RBM17: variants seen among roughly 807,000 people sequenced by gnomAD.
RBM17 encodes the protein RNA binding motif protein 17, also known as splicing factor 45.
RBM17 carries 7 observed loss-of-function variants against 53.2 expected under a neutral mutation model. The observed-to-expected ratio is 0.13, with a 90% CI of 0.07 to 0.25. The LOEUF is 0.25. RBM17 is among the 10% of genes least tolerant of loss of function. The pLI is 1.00. For synonymous variants in RBM17, 167 were observed against 178.1 expected (o/e 0.94, Z 0.50); for missense variants, 257 against 496.7 (o/e 0.52, Z 4.59).
intron 1 of RBM17, among the ~76,000 whole-genome samples, chr10:6,093,968 A>ATTTTTTT (rs71390121): frequency 7.5e-5 from 7 of 93,264 alleles, no homozygotes; most frequent in Admixed American, 1.1e-4. Flanking sequence ...CAAGTGTGGA[A>ATTTTTTT]TTTTTTTTTT....
At chr10:6,094,924 C>G (rs753796079) in intron 1 of RBM17, among the ~76,000 whole-genome samples, 6 of 152,156 alleles carry the variant, frequency 3.9e-5, no homozygotes, top group Non-Finnish European at 7.3e-5. Context: ...TGATCTTAGT[C>G]TGGGGATAGA....
chr10:6,092,549 G>A (rs1295259335), intron 1 of RBM17, among the ~76,000 whole-genome samples: 1 of 152,248 alleles, frequency 6.6e-6, no homozygotes, highest in African/African-American at 2.4e-5. Flanking sequence ...GTATGGTTGA[G>A]TGTGGTTTCT....
chr10:6,114,267 C>T (rs1840881736), intron 10 of RBM17, 120 bp downstream of exon 10: 3 of 588,820 alleles, frequency 5.1e-6, no homozygotes, highest in Non-Finnish European at 9.2e-6. Flanking sequence ...AGGTGACAGG[C>T]GTTGGTTATT....
chr10:6,096,980 C>A, intron 1 of RBM17, 68 bp from the exon 2 acceptor site: 1 of 1,460,928 alleles, frequency 6.8e-7, no homozygotes, highest in Non-Finnish European at 9.3e-7. Context: ...TTTCATGATA[C>A]TTATTTTAAC....
At chr10:6,093,245 G>A (rs184175943) in intron 1 of RBM17, among the ~76,000 whole-genome samples, 4 of 151,980 alleles carry the variant, frequency 2.6e-5, no homozygotes, top group Non-Finnish European at 4.4e-5. Context: ...AGACAGTCTC[G>A]CTCTATCATC....
chr10:6,090,993 GTATATAAA>G (rs1036576929), intron 1 of RBM17, among the ~76,000 whole-genome samples: 69 of 138,276 alleles, frequency 5.0e-4, no homozygotes, highest in African/African-American at 1.8e-3. Context: ...CCATATATAT[GTATATAAA>G]TATATAAATA....
chr10:6,100,115 A>G (rs761819790), intron 2 of RBM17, among the ~76,000 whole-genome samples: 1 of 152,134 alleles, frequency 6.6e-6, no homozygotes, highest in Non-Finnish European at 1.5e-5. Context: ...AAACTTTCGT[A>G]TTTACTTTGT....
Position 6,112,138 on chromosome 10 carries a change from GATGGAAAA to G in RBM17, c.705-68_705-61del, listed in dbSNP as rs1840847448. ...ACTCTCTCCAGAAGGAGGTTGTTGT[GATGGAAAA>G]ATGCAACCTATCTCCAGTTGACGAT... On this transcript the variant is annotated intron_variant, in intron 7 of 11. Coordinates refer to ENST00000379888, the MANE Select transcript of RBM17 (RefSeq NM_032905.5). The surrounding 1 kb of genome is among the most constrained non-coding windows in gnomAD (Gnocchi z 4.4). 6.6e-7 allele frequency: 1 copy of G among 1,519,702 alleles called. No individual in the cohort carries two copies. Among genetic ancestry groups the G allele is most frequent in the Non-Finnish European group, 8.9e-7 (1 of 1,119,408 alleles). 94.1% of individuals were successfully genotyped at this position (1,519,702 alleles called of 1,614,324 possible). A position where few individuals can be genotyped will look rare whatever the true frequency, so the allele number is the denominator to read the frequency against.
At chr10:6,095,996 A>G (rs60859211) in intron 1 of RBM17, among the ~76,000 whole-genome samples, 2,478 of 152,272 alleles carry the variant, frequency 0.016, 41 homozygotes, top group East Asian at 0.041. Context: ...CACGGTTTCC[A>G]TGGGAAAATG....
chr10:6,109,052 A>G (rs1840798407), intron 6 of RBM17, among the ~76,000 whole-genome samples: 1 of 150,838 alleles, frequency 6.6e-6, no homozygotes, highest in African/African-American at 2.4e-5. Flanking sequence ...AAAACAGCAG[A>G]TCGTTACAGT....
In RBM17 at chr10:6,106,177, A is replaced by C; in HGVS notation, c.444A>C (p.Ala148=). The change falls in exon 5 of 12, where the codon GCA becomes GCC. Residue 148 remains alanine (A), a synonymous_variant. Coordinates refer to ENST00000379888, the MANE Select transcript of RBM17 (RefSeq NM_032905.5). The part of the protein sequence containing the change: ...RKDRHEASGF[A]RRPDPDSDED... ...ACAGACATGAAGCAAGTGGGTTTGC[A>C]AGGAGACCAGATCCAGATTCTGATG... is the stretch of plus-strand genomic sequence containing the variant. 1 of 1,613,852 alleles carries C rather than the reference A, an allele frequency of 6.2e-7. No homozygotes were observed. The highest frequency in any genetic ancestry group is 8.5e-7 in the Non-Finnish European group (1 of 1,179,778).
intron 2 of RBM17, 55 bp from the exon 3 acceptor site, chr10:6,101,216 G>T: frequency 1.8e-6 from 2 of 1,119,730 alleles, no homozygotes; most frequent in Non-Finnish European, 2.6e-6. Flanking sequence ...GTTGCAAACA[G>T]TGTGAATTTT....
At position 6,112,103 on chromosome 10, in the gene RBM17, TG is replaced by T; in HGVS notation, c.705-105del. ...ATGAGTGACTTTGTTGAAGCCCCTGTGGAGCATGCACTCTCTCCAGAAGGAG... is the reference window on the plus strand; with the variant it reads ...ATGAGTGACTTTGTTGAAGCCCCTGTGAGCATGCACTCTCTCCAGAAGGAG... On this transcript the variant is annotated intron_variant, in intron 7 of 11. Coordinates refer to ENST00000379888, the MANE Select transcript of RBM17 (RefSeq NM_032905.5). This position sits in a 1 kb window ranked among gnomAD's most constrained non-coding sequence, Gnocchi z 4.4. 8.8e-7 allele frequency: 1 copy of T among 1,140,086 alleles called. No individual in the cohort carries two copies. The highest frequency in any genetic ancestry group is 1.3e-6 in the Non-Finnish European group (1 of 792,582). The allele number at this position is 1,140,086 out of a possible 1,614,324, so 70.6% of individuals were successfully genotyped here. A position where few individuals can be genotyped will look rare whatever the true frequency, so the allele number is the denominator to read the frequency against.
chr10:6,095,601 G>A (rs1412721531), intron 1 of RBM17, among the ~76,000 whole-genome samples: 6 of 152,208 alleles, frequency 3.9e-5, no homozygotes, highest in Middle Eastern at 6.8e-3. Flanking sequence ...ACGGCCTTGC[G>A]GGGACCTTTC....
chr10:6,090,767 A>G (rs1355028276), intron 1 of RBM17, among the ~76,000 whole-genome samples: 1 of 152,142 alleles, frequency 6.6e-6, no homozygotes, highest in East Asian at 1.9e-4. Flanking sequence ...CTGTGTTTGC[A>G]ATACTAGCCT....
At chr10:6,096,292 C>G (rs1840573041) in intron 1 of RBM17, among the ~76,000 whole-genome samples, 1 of 152,056 alleles carries the variant, frequency 6.6e-6, no homozygotes, top group African/African-American at 2.4e-5. Context: ...TTCCCTAAAC[C>G]CCAGCATCCA....
At chr10:6,107,380 G>A (rs1840767251) in intron 5 of RBM17, among the ~76,000 whole-genome samples, 1 of 150,550 alleles carries the variant, frequency 6.6e-6, no homozygotes, top group Non-Finnish European at 1.5e-5. Context: ...GTTTCACCAT[G>A]TTTGCCAGGC....
intron 2 of RBM17, among the ~76,000 whole-genome samples, chr10:6,098,571 T>TTTTTTTG (rs1840618511): frequency 1.1e-5 from 1 of 91,134 alleles, no homozygotes; most frequent in African/African-American, 4.7e-5. Context: ...TTGTTTTTTT[T>TTTTTTTG]TTTTTTTTTT....
In RBM17 at chr10:6,101,282, G is replaced by A. The variant is rs199867166; in HGVS notation, c.135G>A (p.Thr45=). Residue 45 remains threonine, a synonymous_variant, in exon 3 of 12, where the codon ACG becomes ACA. Transcript: ENST00000379888. ...TTTGATGATTTTAGAGCCAAAGGAC[G>A]AAACAAAGTACAGTCCTCGCCCCAG... ...AALTQAKSQR[T]KQSTVLAPVI... 11 of 1,595,248 alleles carry A rather than the reference G, an allele frequency of 6.9e-6. 1 individual carries two copies. The highest frequency in any genetic ancestry group is 1.4e-5 in the African/African-American group (1 of 74,018).
Sources: allele counts gnomAD v4.1 joint callset (sites outside exome capture counted in the v4.1 genomes callset), GRCh38; gene constraint gnomAD v4.1.1; non-coding constraint Gnocchi (gnomAD v3.1); transcripts MANE v1.5; gene names NCBI Gene and HGNC (gene_info 2026-07-23, HGNC 2026-07-21).